FANCA: variants seen among roughly 807,000 people sequenced by gnomAD.
FANCA encodes Fanconi anemia group A protein.
FANCA carries 236 observed loss-of-function variants against 194.3 expected under a neutral mutation model. The ratio of observed to expected loss-of-function variants is 1.21; its 90% CI spans 1.09 to 1.35. FANCA has a LOEUF of 1.35. FANCA is among the 40% of genes most tolerant of loss of function. The probability of loss-of-function intolerance (pLI) is 0.00; values close to 1 mark genes in which losing one functional copy is unlikely to be tolerated. For synonymous variants in FANCA, 1,014 were observed against 715.8 expected (o/e 1.42, Z -6.65); for missense variants, 2,628 against 1,813.9 (o/e 1.45, Z -8.15).
chr16:89,759,679 C>A (rs901545723), intron 29 of FANCA, among the ~76,000 whole-genome samples: 2 of 152,090 alleles, frequency 1.3e-5, no homozygotes, highest in African/African-American at 4.8e-5. Context: ...GAGGATCACT[C>A]GAGCTCTGGA....
At chr16:89,810,661 C>T (rs757765254) in intron 5 of FANCA, 46 bp downstream of exon 5, 2 of 1,243,498 alleles carry the variant, frequency 1.6e-6, no homozygotes, top group Non-Finnish European at 2.4e-6. Flanking sequence ...ATCAACAGAA[C>T]ATTGCCTGGA....
intron 11 of FANCA, 57 bp from the exon 12 acceptor site, chr16:89,792,604 T>C: frequency 3.3e-6 from 5 of 1,510,224 alleles, no homozygotes; most frequent in Non-Finnish European, 4.5e-6. Flanking sequence ...GTTGTGGGTT[T>C]TTGTTAAGGA....
chr16:89,798,415 A>T, intron 10 of FANCA: 1 of 1,079,242 alleles, frequency 9.3e-7, no homozygotes, highest in Non-Finnish European at 1.1e-6. Flanking sequence ...GGTACAACAC[A>T]TTTAATTGAG....
At chr16:89,741,822 C>T (rs555012121) in intron 37 of FANCA, among the ~76,000 whole-genome samples, 91 of 152,302 alleles carry the variant, frequency 6.0e-4, no homozygotes, top group African/African-American at 2.1e-3. Context: ...TGAATCAAGG[C>T]TACTGCAGCA....
At chr16:89,739,895 T>C in intron 39 of FANCA, 99 bp downstream of exon 39, 1 of 1,572,732 alleles carries the variant, frequency 6.4e-7, no homozygotes, top group Non-Finnish European at 8.6e-7. Flanking sequence ...TAAACTTACT[T>C]AGCAAGGAAC....
At chr16:89,805,113 G>C (rs1383730840) in intron 7 of FANCA, among the ~76,000 whole-genome samples, 167 bp downstream of exon 7, 1 of 152,182 alleles carries the variant, frequency 6.6e-6, no homozygotes, top group Non-Finnish European at 1.5e-5. Flanking sequence ...CATCAGTCAA[G>C]TAAAATGCAA....
chr16:89,771,155 C>CAAAAAAAAAAAAAAAAAAAAAAAAAAA (rs34471552), intron 23 of FANCA, among the ~76,000 whole-genome samples: 11 of 56,646 alleles, frequency 1.9e-4, no homozygotes, highest in African/African-American at 7.3e-4. Context: ...AAGACTCAGT[C>CAAAAAAAAAAAAAAAAAAAAAAAAAAA]AAAAAAAAAA....
chr16:89,757,917 G>A (rs532406857), intron 30 of FANCA, among the ~76,000 whole-genome samples: 2 of 152,082 alleles, frequency 1.3e-5, no homozygotes, highest in Admixed American at 6.6e-5. Flanking sequence ...TTGCTCTGTC[G>A]CCCAGTCGGC....
chr16:89,815,335 CTTTTTTTTTTTTTTTTTTT>C (rs562815235), intron 2 of FANCA, among the ~76,000 whole-genome samples: 1 of 66,498 alleles, frequency 1.5e-5, no homozygotes, highest in African/African-American at 5.1e-5. Context: ...CCACGCCCGG[CTTTTTTTTTTTTTTTTTTT>C]TTTTTTTTTT....
At chr16:89,770,110 C>A in intron 25 of FANCA, 56 bp downstream of exon 25, 1 of 1,572,002 alleles carries the variant, frequency 6.4e-7, no homozygotes. Context: ...TGAGAAGTAG[C>A]AGCCTGGCCC....
intron 20 of FANCA, among the ~76,000 whole-genome samples, chr16:89,776,875 C>A (rs1035611018): frequency 6.6e-6 from 1 of 151,882 alleles, no homozygotes; most frequent in African/African-American, 2.4e-5. Context: ...TTAGTTCATG[C>A]TAAAAATCCT....
At chr16:89,809,751 G>A (rs1277288914) in intron 5 of FANCA, among the ~76,000 whole-genome samples, 3 of 152,102 alleles carry the variant, frequency 2.0e-5, no homozygotes, top group African/African-American at 7.2e-5. Context: ...TACTCGGGAG[G>A]CTGAGGCGGG....
At chr16:89,805,439 C>A (rs1435666334) in intron 6 of FANCA, 47 bp from the exon 7 acceptor site, 1 of 1,452,356 alleles carries the variant, frequency 6.9e-7, no homozygotes, top group Non-Finnish European at 9.6e-7. Context: ...TAAATCCCAT[C>A]ATCAGGGGAT....
intron 5 of FANCA, among the ~76,000 whole-genome samples, chr16:89,808,838 T>C (rs11076628): frequency 0.53 from 80,520 of 151,686 alleles, 23,633 homozygotes; most frequent in East Asian, 0.98. Flanking sequence ...CCACTCACTG[T>C]GAACACTGTG....
At chr16:89,776,025 A>G (rs542727839) in intron 20 of FANCA, among the ~76,000 whole-genome samples, 2 of 151,910 alleles carry the variant, frequency 1.3e-5, no homozygotes, top group Admixed American at 6.6e-5. Context: ...TATTAATCAT[A>G]TATTAATATC....
chr16:89,753,351 G>A (rs1401201388), intron 30 of FANCA, among the ~76,000 whole-genome samples: 5 of 152,158 alleles, frequency 3.3e-5, no homozygotes, highest in South Asian at 2.1e-4. Context: ...GTGGTCCCCC[G>A]GGCCCAGCTG....
intron 31 of FANCA, among the ~76,000 whole-genome samples, chr16:89,750,437 C>T (rs1004494340): frequency 1.3e-5 from 2 of 149,732 alleles, no homozygotes; most frequent in Admixed American, 6.7e-5. Flanking sequence ...GAGCCCAGAT[C>T]GCACCACTGC....
At chr16:89,748,235 C>T (rs2038458524) in intron 33 of FANCA, among the ~76,000 whole-genome samples, 1 of 152,246 alleles carries the variant, frequency 6.6e-6, no homozygotes, top group Non-Finnish European at 1.5e-5. Flanking sequence ...GCAACTCACG[C>T]TGGGCAGTGT....
intron 14 of FANCA, among the ~76,000 whole-genome samples, chr16:89,790,637 G>C (rs140013110): frequency 6.6e-6 from 1 of 151,912 alleles, no homozygotes; most frequent in Non-Finnish European, 1.5e-5. Context: ...GCTGAGGCAG[G>C]AGAATAGCTT....
Sources: allele counts gnomAD v4.1 joint callset (sites outside exome capture counted in the v4.1 genomes callset), GRCh38; gene constraint gnomAD v4.1.1; transcripts MANE v1.5; gene names NCBI Gene and HGNC (gene_info 2026-07-23, HGNC 2026-07-21).